Variants in PRKACB observed in about 807,000 individuals in gnomAD.
PRKACB encodes the protein cAMP-dependent protein kinase catalytic subunit beta.
A neutral mutation model predicts 51.4 loss-of-function variants in PRKACB; 16 were observed. The ratio of observed to expected loss-of-function variants is 0.31; its 90% confidence interval spans 0.21 to 0.47. The LOEUF is 0.47. Among genes scored for constraint, PRKACB ranks in the 20% least tolerant of loss-of-function variants. The pLI is 1.00. For missense variants in PRKACB, 309 were observed against 464.5 expected, an observed-to-expected ratio of 0.67 and a Z score of 3.08; for synonymous variants, 147 against 154.4, an observed-to-expected ratio of 0.95 and a Z score of 0.35.
chr1:84,235,474 G>C lies in PRKACB; in HGVS notation c.*169G>C. Reference sequence around the variant, plus strand: ...GTGTGCGCACTCTGCATCCACCTATGTAACAAGGCACCGCTAAGCAAGCAT... The same window carrying C: ...GTGTGCGCACTCTGCATCCACCTATCTAACAAGGCACCGCTAAGCAAGCAT... On this transcript the variant is annotated 3_prime_UTR_variant, in exon 10 of 10. Coordinates refer to ENST00000370685, the MANE Select transcript of PRKACB (RefSeq NM_182948.4). 1.3e-6 allele frequency: 1 copy of C among 786,460 alleles called. No homozygotes were observed. Among genetic ancestry groups the C allele is most frequent in the South Asian group, 1.8e-5 (1 of 54,264 alleles). The allele number at this position is 786,460 out of a possible 1,614,324, so 48.7% of individuals were successfully genotyped here. A position where few individuals can be genotyped will look rare whatever the true frequency, so the allele number is the denominator to read the frequency against.
At chr1:84,140,449 T>C (rs946766939), upstream of PRKACB, among the ~76,000 whole-genome samples, 7 of 152,196 alleles carry the variant, frequency 4.6e-5, no homozygotes, top group Non-Finnish European at 7.4e-5. Context: ...AGCAACACTA[T>C]TACCCTAAAA....
Position 84,238,004 on chromosome 1 carries a change from T to G in PRKACB, c.*2699T>G, listed in dbSNP as rs1676804024. On this transcript the variant is annotated 3_prime_UTR_variant, in exon 10 of 10. Transcript: ENST00000370685. ...TATATTGCTTTGAAGTAAGTCTCAA[T>G]AAGGCAATATATTTTAGGGCATCTT... 6.6e-6 allele frequency: 1 copy of G among 152,300 alleles called. No individual in the cohort carries two copies. Among genetic ancestry groups the G allele is most frequent in the Non-Finnish European group, 1.5e-5 (1 of 67,994 alleles). The allele number at this position is 152,300 out of a possible 1,614,324, so 9.4% of individuals were successfully genotyped here.
chr1:84,168,603 C>T (rs1658309639), intron 1 of PRKACB, among the ~76,000 whole-genome samples: 1 of 151,558 alleles, frequency 6.6e-6, no homozygotes, highest in Non-Finnish European at 1.5e-5. Flanking sequence ...GAAAGCAGTA[C>T]ATCATTTCTG....
intron 1 of PRKACB, among the ~76,000 whole-genome samples, chr1:84,132,332 C>T (rs1330764503): frequency 1.3e-5 from 2 of 152,104 alleles, no homozygotes; most frequent in Non-Finnish European, 2.9e-5. Context: ...ATGGATGAGA[C>T]AAACATAAGG....
intron 5 of PRKACB, among the ~76,000 whole-genome samples, chr1:84,195,924 A>G (rs1668124425): frequency 6.6e-6 from 1 of 152,062 alleles, no homozygotes; most frequent in Non-Finnish European, 1.5e-5. Flanking sequence ...AAAAAAAAAA[A>G]AAAGAACTGT....
chr1:84,224,943 G>C (rs999607981), intron 9 of PRKACB, among the ~76,000 whole-genome samples: 5 of 152,148 alleles, frequency 3.3e-5, no homozygotes, highest in Admixed American at 3.3e-4. Flanking sequence ...TGGGCCACTG[G>C]ACAGCATATT....
chr1:84,224,340 C>G (rs1321756469), intron 9 of PRKACB, among the ~76,000 whole-genome samples: 1 of 152,200 alleles, frequency 6.6e-6, no homozygotes, highest in Non-Finnish European at 1.5e-5. Flanking sequence ...GTAGGCTGAG[C>G]ATATGGATGA....
chr1:84,087,731 A>G (rs970110267), intron 1 of PRKACB, among the ~76,000 whole-genome samples: 11 of 152,026 alleles, frequency 7.2e-5, no homozygotes, highest in African/African-American at 2.7e-4. Flanking sequence ...GCACTTTCCA[A>G]AAGAATCATC....
rs534368473 is a variant in PRKACB, at chr1:84,218,619, G to A, written c.1071+4302G>A. ...ATGCATAGTGCTGCAATAAACATGAGGATTCAGGTATTGCATTGATATACT... is the reference window on the plus strand; with the variant it reads ...ATGCATAGTGCTGCAATAAACATGAAGATTCAGGTATTGCATTGATATACT... On this transcript the variant is annotated intron_variant, in intron 9 of 9. Coordinates refer to ENST00000370685, the MANE Select transcript of PRKACB (RefSeq NM_182948.4). 5.9e-5 allele frequency among the ~76,000 whole-genome samples: 9 copies of A among 152,248 alleles called. No homozygotes were observed. The South Asian group carries it at 1.9e-3, about 32-fold the overall frequency.
intron 8 of PRKACB, 93 bp downstream of exon 8, chr1:84,202,898 T>C (rs1670533644): frequency 2.7e-6 from 3 of 1,105,568 alleles, no homozygotes; most frequent in Non-Finnish European, 3.6e-6. Context: ...ATTATTATTC[T>C]ACATTGGGAA....
chr1:84,223,293 A>G (rs941878613), intron 9 of PRKACB, among the ~76,000 whole-genome samples: 1 of 151,512 alleles, frequency 6.6e-6, no homozygotes, highest in Non-Finnish European at 1.5e-5. Context: ...TCTATTGACA[A>G]AGCTCTCAGT....
intron 6 of PRKACB, among the ~76,000 whole-genome samples, chr1:84,197,471 T>A (rs906125452): frequency 6.6e-6 from 1 of 152,126 alleles, no homozygotes; most frequent in African/African-American, 2.4e-5. Flanking sequence ...GGGTCTAGGA[T>A]CTTATAATAA....
chr1:84,211,432 T>C (rs1672123945), intron 8 of PRKACB, among the ~76,000 whole-genome samples: 1 of 152,194 alleles, frequency 6.6e-6, no homozygotes, highest in Non-Finnish European at 1.5e-5. Context: ...TGGAAAAATC[T>C]GAGCTAATAT....
chr1:84,109,197 T>C, intron 1 of PRKACB, among the ~76,000 whole-genome samples: 1 of 152,008 alleles, frequency 6.6e-6, no homozygotes, highest in Non-Finnish European at 1.5e-5. Context: ...TAAATAATGC[T>C]ACTATAAACA....
chr1:84,095,875 T>C (rs1648888342), intron 1 of PRKACB, among the ~76,000 whole-genome samples: 1 of 152,072 alleles, frequency 6.6e-6, no homozygotes, highest in Non-Finnish European at 1.5e-5. Flanking sequence ...TTTATATTTT[T>C]GTACAAATTA....
chr1:84,194,710 G>C (rs1244705699), intron 5 of PRKACB, among the ~76,000 whole-genome samples: 3 of 152,094 alleles, frequency 2.0e-5, no homozygotes, highest in Admixed American at 6.6e-5. Context: ...TGGATCACTT[G>C]AGCTCAGGAA....
intron 8 of PRKACB, among the ~76,000 whole-genome samples, chr1:84,211,535 G>A (rs1672136157): frequency 6.6e-6 from 1 of 152,140 alleles, no homozygotes; most frequent in South Asian, 2.1e-4. Context: ...CTAGGTAAAT[G>A]AGGAAATGTG....
At chr1:84,078,467 C>A in intron 1 of PRKACB, 1 of 1,450,384 alleles carries the variant, frequency 6.9e-7, no homozygotes, top group Non-Finnish European at 9.4e-7. Flanking sequence ...CGGGCACGGG[C>A]CAGGCCTAGC....
intron 1 of PRKACB, among the ~76,000 whole-genome samples, chr1:84,097,706 G>A (rs1447206832): frequency 6.6e-6 from 1 of 151,952 alleles, no homozygotes; most frequent in Admixed American, 6.6e-5. Context: ...TAAGTCCTGG[G>A]CTGAGTCTGA....
Sources: allele counts gnomAD v4.1 joint callset (sites outside exome capture counted in the v4.1 genomes callset), GRCh38; gene constraint gnomAD v4.1.1; transcripts MANE v1.5; gene names NCBI Gene and HGNC (gene_info 2026-07-23, HGNC 2026-07-21).